SEMA5A: variants seen among roughly 807,000 people sequenced by gnomAD.
SEMA5A encodes semaphorin 5A, also known as semaphorin-5A.
Under a neutral mutation model 135.5 loss-of-function variants are expected in SEMA5A, and 55 were observed. The ratio of observed to expected loss-of-function variants is 0.41; its 90% CI spans 0.33 to 0.51. The LOEUF (loss-of-function observed/expected upper bound fraction) is 0.51, where lower values mean the gene tolerates loss of function less well. Ranked by LOEUF, SEMA5A falls within the 20% of genes least tolerant of loss-of-function variation. The pLI is 0.37. For synonymous variants in SEMA5A, 580 were observed against 546.5 expected, an observed-to-expected ratio of 1.06 and a Z score of -0.85; for missense variants, 1,290 against 1,419.9, an observed-to-expected ratio of 0.91 and a Z score of 1.47.
chr5:9,322,458 C>A (rs1222964696), intron 4 of SEMA5A, among the ~76,000 whole-genome samples: 1 of 152,118 alleles, frequency 6.6e-6, no homozygotes, highest in African/African-American at 2.4e-5. Context: ...AGCACCATCA[C>A]CATCACCACA....
At chr5:9,088,540 A>G (rs1488739190) in intron 16 of SEMA5A, among the ~76,000 whole-genome samples, 1 of 149,834 alleles carries the variant, frequency 6.7e-6, no homozygotes, top group Non-Finnish European at 1.5e-5. Flanking sequence ...TTCAGATAGT[A>G]CATTACAAAA....
chr5:9,501,850 C>A (rs938188815), intron 1 of SEMA5A, among the ~76,000 whole-genome samples: 1 of 152,216 alleles, frequency 6.6e-6, no homozygotes, highest in African/African-American at 2.4e-5. Context: ...TGGGTTTTCC[C>A]ATAGGTGCAG....
chr5:9,360,591 G>A (rs1754648444), intron 3 of SEMA5A, among the ~76,000 whole-genome samples: 1 of 152,088 alleles, frequency 6.6e-6, no homozygotes, highest in Non-Finnish European at 1.5e-5. Flanking sequence ...TTCAGATGAT[G>A]GTGAAAATAA....
At chr5:9,337,664 A>C in intron 4 of SEMA5A, 49 bp downstream of exon 4, 1 of 1,275,558 alleles carries the variant, frequency 7.8e-7, no homozygotes, top group South Asian at 1.2e-5. Context: ...GCACAGATGT[A>C]AAATGAAGTC....
chr5:9,201,125 T>C (rs1745681436), intron 9 of SEMA5A, among the ~76,000 whole-genome samples: 1 of 152,188 alleles, frequency 6.6e-6, no homozygotes, highest in Non-Finnish European at 1.5e-5. Flanking sequence ...TCAGAACCCA[T>C]AGTGTAGGAT....
At chr5:9,141,360 T>G (rs1742055070) in intron 12 of SEMA5A, among the ~76,000 whole-genome samples, 1 of 152,240 alleles carries the variant, frequency 6.6e-6, no homozygotes, top group African/African-American at 2.4e-5. Context: ...CTTGATTTAA[T>G]TATTCTAAAT....
At chr5:9,496,485 T>A (rs1735307384) in intron 1 of SEMA5A, among the ~76,000 whole-genome samples, 1 of 152,198 alleles carries the variant, frequency 6.6e-6, no homozygotes, top group African/African-American at 2.4e-5. Flanking sequence ...CACTAGAAAC[T>A]TCCACCTAGA....
intron 11 of SEMA5A, among the ~76,000 whole-genome samples, chr5:9,155,010 T>C (rs1742875738): frequency 6.6e-6 from 1 of 152,090 alleles, no homozygotes; most frequent in Non-Finnish European, 1.5e-5. Flanking sequence ...CTTTGTGCCA[T>C]CCCATGGAAA....
intron 4 of SEMA5A, among the ~76,000 whole-genome samples, chr5:9,326,842 TTTGA>T (rs778311015): frequency 1.3e-5 from 2 of 152,152 alleles, no homozygotes; most frequent in African/African-American, 4.8e-5. Context: ...GTAAAATTAG[TTTGA>T]TTATCTAAGT....
chr5:9,425,787 A>C (rs924691507), intron 2 of SEMA5A, among the ~76,000 whole-genome samples: 11 of 152,216 alleles, frequency 7.2e-5, no homozygotes, highest in African/African-American at 2.4e-4. Flanking sequence ...ATTGTTTTAT[A>C]ATTCTTTTCT....
chr5:9,533,474 T>C (rs1233328594), intron 1 of SEMA5A, among the ~76,000 whole-genome samples: 1 of 152,212 alleles, frequency 6.6e-6, no homozygotes, highest in Non-Finnish European at 1.5e-5. Context: ...GAACAGACCA[T>C]ATTGTATATT....
chr5:9,250,423 A>C (rs1183330516), intron 5 of SEMA5A, among the ~76,000 whole-genome samples: 1 of 152,192 alleles, frequency 6.6e-6, no homozygotes, highest in Non-Finnish European at 1.5e-5. Context: ...TTAACCTTAG[A>C]CAAATAAAAC....
At chr5:9,167,391 TC>T (rs1163937175) in intron 11 of SEMA5A, among the ~76,000 whole-genome samples, 1 of 152,142 alleles carries the variant, frequency 6.6e-6, no homozygotes, top group Non-Finnish European at 1.5e-5. Context: ...ACTCAATGTC[TC>T]CCCTTTGTAT....
intron 2 of SEMA5A, among the ~76,000 whole-genome samples, chr5:9,434,404 G>T (rs2126663970): frequency 6.6e-6 from 1 of 152,062 alleles, no homozygotes; most frequent in South Asian, 2.1e-4. Flanking sequence ...TCAGTAATGA[G>T]CATTCACTAC....
At chr5:9,183,482 T>C (rs1225682130) in intron 11 of SEMA5A, among the ~76,000 whole-genome samples, 2 of 152,182 alleles carry the variant, frequency 1.3e-5, no homozygotes, top group Admixed American at 1.3e-4. Context: ...CACAGACGCC[T>C]GACCACCAGC....
intron 1 of SEMA5A, among the ~76,000 whole-genome samples, chr5:9,460,557 T>C (rs2126727931): frequency 6.6e-6 from 1 of 152,286 alleles, no homozygotes; most frequent in East Asian, 1.9e-4. Context: ...AAATATAATA[T>C]GCTAGATGTT....
intron 5 of SEMA5A, among the ~76,000 whole-genome samples, chr5:9,249,725 G>A (rs1748674884): frequency 6.6e-6 from 1 of 152,160 alleles, no homozygotes; most frequent in African/African-American, 2.4e-5. Flanking sequence ...CCCAGATGTA[G>A]GGATCTGGAG....
At chr5:9,438,255 G>C (rs752160529) in intron 1 of SEMA5A, among the ~76,000 whole-genome samples, 1 of 151,884 alleles carries the variant, frequency 6.6e-6, no homozygotes, top group Non-Finnish European at 1.5e-5. Context: ...TGGAACACAT[G>C]GTACCTTATA....
chr5:9,321,884 G>T (rs530246215), intron 4 of SEMA5A, among the ~76,000 whole-genome samples: 154 of 152,214 alleles, frequency 1.0e-3, no homozygotes, highest in African/African-American at 3.6e-3. Flanking sequence ...TCACACTATG[G>T]TATCTGTCTC....
Sources: gnomAD v4.1 joint callset for allele counts (sites outside exome capture counted in the v4.1 genomes callset) on GRCh38, gnomAD v4.1.1 for gene constraint, MANE v1.5 for transcripts, NCBI Gene and HGNC (gene_info 2026-07-23, HGNC 2026-07-21) for gene names.